Variants in CPNE4 observed in about 807,000 individuals in gnomAD.
CPNE4 encodes the protein copine 4.
Under a neutral mutation model 67.9 loss-of-function variants are expected in CPNE4, and 25 were observed. The ratio of observed to expected loss-of-function variants is 0.37; its 90% CI spans 0.27 to 0.51. The LOEUF is 0.51. CPNE4 is among the 20% of genes least tolerant of loss of function. CPNE4 has a pLI of 0.93. For missense variants in CPNE4, 464 were observed against 690.8 expected (o/e 0.67, Z 3.68); for synonymous variants, 242 against 244.9 (o/e 0.99, Z 0.11).
At chr3:131,628,383 G>A (rs960159332) in intron 7 of CPNE4, among the ~76,000 whole-genome samples, 3 of 152,184 alleles carry the variant, frequency 2.0e-5, no homozygotes, top group Admixed American at 2.0e-4. Flanking sequence ...TGAGAGGGAA[G>A]CAAAAGCAGA....
At chr3:131,879,919 TCTC>T (rs2087605830) in intron 2 of CPNE4, among the ~76,000 whole-genome samples, 1 of 152,066 alleles carries the variant, frequency 6.6e-6, no homozygotes, top group South Asian at 2.1e-4. Flanking sequence ...AGTAATATCT[TCTC>T]TATAAAAATT....
At chr3:131,705,461 T>C (rs1211137827) in intron 3 of CPNE4, among the ~76,000 whole-genome samples, 1 of 152,198 alleles carries the variant, frequency 6.6e-6, no homozygotes, top group Non-Finnish European at 1.5e-5. Context: ...AAATTATCTT[T>C]GGAAGGGCTT....
chr3:131,996,787 A>C (rs990949006), intron 1 of CPNE4, among the ~76,000 whole-genome samples: 16 of 152,100 alleles, frequency 1.1e-4, no homozygotes, highest in Non-Finnish European at 1.8e-4. Context: ...GAGGATAATG[A>C]GGGAATGGCC....
chr3:131,856,737 G>T (rs2086460449), intron 2 of CPNE4, among the ~76,000 whole-genome samples: 1 of 151,966 alleles, frequency 6.6e-6, no homozygotes, highest in South Asian at 2.1e-4. Context: ...TTTATTGAAT[G>T]CTTACACTAC....
intron 7 of CPNE4, among the ~76,000 whole-genome samples, chr3:131,656,054 T>C (rs958827539): frequency 1.6e-5 from 1 of 60,608 alleles, no homozygotes; most frequent in Non-Finnish European, 3.0e-5. Flanking sequence ...ATACTGTTTC[T>C]TTTTTTTTTT....
intron 2 of CPNE4, among the ~76,000 whole-genome samples, chr3:131,882,817 C>A (rs1055647824): frequency 4.6e-5 from 7 of 150,766 alleles, no homozygotes; most frequent in African/African-American, 1.5e-4. Flanking sequence ...CCCGAGTTCA[C>A]ACCATTCTCC....
At chr3:132,014,606 T>C (rs2073850368) in intron 1 of CPNE4, among the ~76,000 whole-genome samples, 1 of 152,220 alleles carries the variant, frequency 6.6e-6, no homozygotes, top group Admixed American at 6.5e-5. Context: ...TATTTTAATC[T>C]CTCTCTTTGT....
At chr3:131,884,635 G>T (rs2087807851) in intron 2 of CPNE4, among the ~76,000 whole-genome samples, 1 of 152,144 alleles carries the variant, frequency 6.6e-6, no homozygotes, top group Non-Finnish European at 1.5e-5. Flanking sequence ...ATCTTGAATG[G>T]TACTCCCATA....
intron 1 of CPNE4, among the ~76,000 whole-genome samples, chr3:132,014,983 T>G (rs1461916817): frequency 6.6e-6 from 1 of 152,196 alleles, no homozygotes; most frequent in Non-Finnish European, 1.5e-5. Flanking sequence ...GTTAAATCAC[T>G]TCCAATGAAA....
intron 7 of CPNE4, among the ~76,000 whole-genome samples, chr3:131,619,996 T>C (rs945565851): frequency 2.6e-5 from 4 of 152,148 alleles, no homozygotes; most frequent in East Asian, 1.9e-4. Flanking sequence ...TCTGAAGTTT[T>C]GTAAGCGTAA....
chr3:131,855,312 T>A (rs1251957424), intron 2 of CPNE4, among the ~76,000 whole-genome samples: 1 of 151,960 alleles, frequency 6.6e-6, no homozygotes, highest in Non-Finnish European at 1.5e-5. Context: ...CACTAATCTC[T>A]TATCACTGCA....
intron 2 of CPNE4, among the ~76,000 whole-genome samples, chr3:131,769,958 G>A (rs1232458597): frequency 1.3e-5 from 2 of 152,104 alleles, no homozygotes; most frequent in South Asian, 4.2e-4. Context: ...CTCTTGTTCT[G>A]GGCCCCAAAA....
intron 6 of CPNE4, among the ~76,000 whole-genome samples, chr3:131,677,831 G>A (rs1182259222): frequency 6.6e-6 from 1 of 152,148 alleles, no homozygotes; most frequent in Non-Finnish European, 1.5e-5. Flanking sequence ...TTTGGTGACT[G>A]TAGCCATGTA....
At chr3:131,942,923 C>T (rs919585400) in intron 1 of CPNE4, among the ~76,000 whole-genome samples, 2 of 152,170 alleles carry the variant, frequency 1.3e-5, no homozygotes, top group Non-Finnish European at 2.9e-5. Flanking sequence ...TCCAGTTCTG[C>T]TGCCACCTAT....
chr3:131,825,490 C>T (rs961960417), intron 2 of CPNE4, among the ~76,000 whole-genome samples: 16 of 129,520 alleles, frequency 1.2e-4, no homozygotes, highest in African/African-American at 4.7e-4. Flanking sequence ...AGCGAGACTC[C>T]GTCAAAAAAA....
chr3:131,587,968 A>C (rs1282555340), intron 7 of CPNE4, among the ~76,000 whole-genome samples: 1 of 152,182 alleles, frequency 6.6e-6, no homozygotes. Flanking sequence ...CCTGGTTTAC[A>C]TTGGCATTAG....
chr3:131,679,202 T>C (rs1304503775), intron 6 of CPNE4, among the ~76,000 whole-genome samples: 1 of 152,190 alleles, frequency 6.6e-6, no homozygotes, highest in African/African-American at 2.4e-5. Flanking sequence ...CTTCTAGATT[T>C]CCTAGTTTAT....
chr3:131,978,115 T>TATAAATATATATAAA (rs2072733899), intron 1 of CPNE4, among the ~76,000 whole-genome samples: 2 of 75,718 alleles, frequency 2.6e-5, no homozygotes, highest in Admixed American at 2.4e-4. Context: ...ATATAAAATA[T>TATAAATATATATAAA]ATATAAATAT....
intron 2 of CPNE4, among the ~76,000 whole-genome samples, chr3:131,903,478 A>C (rs4854856): frequency 0.65 from 98,122 of 151,736 alleles, 31,949 homozygotes; most frequent in Admixed American, 0.73. Flanking sequence ...AATAAACAAA[A>C]AAAACCTAGC....
Sources: gnomAD v4.1 joint callset for allele counts (sites outside exome capture counted in the v4.1 genomes callset) on GRCh38, gnomAD v4.1.1 for gene constraint, MANE v1.5 for transcripts, NCBI Gene and HGNC (gene_info 2026-07-23, HGNC 2026-07-21) for gene names.